DLG5: variants seen among roughly 807,000 people sequenced by gnomAD.
DLG5 encodes the protein disks large homolog 5.
In DLG5, 48 loss-of-function variants were observed where a neutral mutation model predicts 189.8. That is an observed-to-expected ratio of 0.25 (90% CI 0.20 to 0.32). The LOEUF (loss-of-function observed/expected upper bound fraction) is 0.32, where lower values mean the gene tolerates loss of function less well. Among genes scored for constraint, DLG5 ranks in the 10% least tolerant of loss-of-function variants. The probability of loss-of-function intolerance (pLI) is 1.00; values close to 1 mark genes in which losing one functional copy is unlikely to be tolerated. For missense variants in DLG5, 2,160 were observed against 2,544.7 expected, an observed-to-expected ratio of 0.85 and a Z score of 3.25; for synonymous variants, 1,016 against 1,054.1, an observed-to-expected ratio of 0.96 and a Z score of 0.70.
intron 1 of DLG5, among the ~76,000 whole-genome samples, chr10:77,906,689 A>G (rs1446787940): frequency 6.7e-6 from 1 of 149,126 alleles, no homozygotes; most frequent in Non-Finnish European, 1.5e-5. Context: ...CAGTGGCACA[A>G]TCTTGGCTCA....
intron 10 of DLG5, 132 bp downstream of exon 10, chr10:77,830,609 G>T: frequency 7.1e-7 from 1 of 1,402,408 alleles, no homozygotes; most frequent in Non-Finnish European, 9.7e-7. Flanking sequence ...GGGAAAGGAT[G>T]CCTCACACTC....
Position 77,869,035 on chromosome 10 carries a change from G to C in DLG5, c.373+94C>G, listed in dbSNP as rs189648249. The C allele has an allele frequency of 1.7e-5, 17 of 1,003,358 alleles. No homozygotes were observed. In the Admixed American group the frequency reaches 2.3e-4, roughly 13 times the overall value. The allele number at this position is 1,003,358 out of a possible 1,614,324, so 62.2% of individuals were successfully genotyped here. A position where few individuals can be genotyped will look rare whatever the true frequency, so the allele number is the denominator to read the frequency against. On this transcript the variant is annotated intron_variant, in intron 2 of 31. Transcript: ENST00000372391. ...TGATCCTGTGAGTAATCTGACAAGG[G>C]AGAACCAGCTTCCTCTCCCATGAAC... is the stretch of plus-strand genomic sequence containing the variant.
intron 20 of DLG5, among the ~76,000 whole-genome samples, chr10:77,813,917 T>C (rs1841907436): frequency 6.6e-6 from 1 of 152,264 alleles, no homozygotes; most frequent in South Asian, 2.1e-4. Flanking sequence ...GCTTCTTATG[T>C]AGGACATTAC....
chr10:77,903,684 A>G (rs1331561404), intron 1 of DLG5, among the ~76,000 whole-genome samples: 1 of 152,124 alleles, frequency 6.6e-6, no homozygotes, highest in Admixed American at 6.5e-5. Flanking sequence ...GGTATATATG[A>G]AACATAAATG....
intron 20 of DLG5, chr10:77,815,988 T>TA (rs1305917874): frequency 2.5e-6 from 1 of 395,038 alleles, no homozygotes; most frequent in African/African-American, 2.1e-5. Context: ...ACCTACATTC[T>TA]AAAATGAACC....
chr10:77,823,750 C>T (rs768426017), intron 14 of DLG5, among the ~76,000 whole-genome samples: 5 of 152,092 alleles, frequency 3.3e-5, no homozygotes, highest in Non-Finnish European at 4.4e-5. Flanking sequence ...AGGCTGGTCT[C>T]GAACTCCCGA....
At chr10:77,890,647 T>A (rs113290605) in intron 1 of DLG5, among the ~76,000 whole-genome samples, 1 of 152,124 alleles carries the variant, frequency 6.6e-6, no homozygotes. Flanking sequence ...AGAAACCCCA[T>A]CTCTACTAAA....
intron 2 of DLG5, among the ~76,000 whole-genome samples, chr10:77,863,286 A>C (rs1844545349): frequency 1.3e-5 from 2 of 151,916 alleles, no homozygotes; most frequent in Admixed American, 1.3e-4. Flanking sequence ...TATTGTAGCG[A>C]CAGGGCCCCA....
intron 20 of DLG5, among the ~76,000 whole-genome samples, chr10:77,815,284 C>A (rs1841995040): frequency 6.6e-6 from 1 of 152,236 alleles, no homozygotes; most frequent in South Asian, 2.1e-4. Context: ...TGGGGCCAGG[C>A]CTCTGTGTTT....
intron 4 of DLG5, 39 bp downstream of exon 4, chr10:77,854,188 G>A: frequency 1.2e-6 from 2 of 1,609,072 alleles, no homozygotes; most frequent in African/African-American, 1.3e-5. Flanking sequence ...GCAGCTGTCT[G>A]TGGGTGTTGG....
chr10:77,874,372 G>C (rs1231090151), intron 1 of DLG5, among the ~76,000 whole-genome samples: 1 of 152,178 alleles, frequency 6.6e-6, no homozygotes. Context: ...TTATCTCTTA[G>C]AGCTGTTTGA....
At chr10:77,844,353 G>A (rs1165609306) in intron 5 of DLG5, among the ~76,000 whole-genome samples, 1 of 152,206 alleles carries the variant, frequency 6.6e-6, no homozygotes, top group African/African-American at 2.4e-5. Context: ...CCTGGACTTT[G>A]CCTCACGCGC....
At chr10:77,808,686 CCT>C (rs1225126644) in intron 24 of DLG5, among the ~76,000 whole-genome samples, 3 of 152,294 alleles carry the variant, frequency 2.0e-5, no homozygotes, top group South Asian at 2.1e-4. Context: ...GCGAGCACCC[CCT>C]GATGCCCAGG....
chr10:77,822,053 T>A lies in DLG5; in HGVS notation c.2431A>T (p.Ile811Phe), dbSNP rs1446129248. ...CTCAGCATCTTATCAGAGTCTTTGA[T>A]ATTTTCAAAAATGTTCTGGCCACTC... ...SWSGQNIFEN[I>F]KDSDKMLSFR... The change falls in exon 15 of 32, where the codon ATC (isoleucine) becomes TTC (phenylalanine). Residue 811 changes from isoleucine (I) to phenylalanine (F), a missense_variant. Around this residue, in one of 5 missense-constraint regions of DLG5, gnomAD observed 754 missense variants for 746.5 expected, o/e 1.01. Transcript: ENST00000372391. 1 of 1,614,134 alleles carries A rather than the reference T, an allele frequency of 6.2e-7. No individual in the cohort carries two copies. The highest frequency in any genetic ancestry group is 8.5e-7 in the Non-Finnish European group (1 of 1,180,026).
At chr10:77,853,860 C>T (rs916694995) in intron 4 of DLG5, among the ~76,000 whole-genome samples, 1 of 152,142 alleles carries the variant, frequency 6.6e-6, no homozygotes, top group Non-Finnish European at 1.5e-5. Context: ...CAGGCAAAGA[C>T]CCTCAGAGGG....
chr10:77,902,503 T>C (rs1443481957), intron 1 of DLG5, among the ~76,000 whole-genome samples: 1 of 152,104 alleles, frequency 6.6e-6, no homozygotes, highest in Admixed American at 6.6e-5. Flanking sequence ...AATCTCTACA[T>C]CTCCAATCAA....
At chr10:77,826,775 CCGT>C (rs1842658516) in intron 13 of DLG5, among the ~76,000 whole-genome samples, 1 of 152,170 alleles carries the variant, frequency 6.6e-6, no homozygotes, top group Non-Finnish European at 1.5e-5. Flanking sequence ...TGGCGAAACC[CCGT>C]CTCTACTAAA....
At position 77,816,695 on chromosome 10, in the gene DLG5, A is replaced by G. The variant is rs1400375571; in HGVS notation, c.3881T>C (p.Val1294Ala). Residue 1294 changes from valine to alanine, a missense_variant, in exon 20 of 32, where the codon GTG (valine) becomes GCG (alanine). By Grantham distance (64) the Val-to-Ala change is moderately conservative. Coordinates refer to ENST00000372391, the MANE Select transcript of DLG5 (RefSeq NM_004747.4). ...AGGAGTGCTGCATTCAGAATGTGAC[A>G]CTGAACCTGCAGAGAGGAGCGGGTA... Reference protein sequence around the residue: ...RSVVGSERGSVSHSECSTPPQ... With the variant: ...RSVVGSERGSASHSECSTPPQ... 1 of 1,607,626 alleles carries G rather than the reference A, an allele frequency of 6.2e-7. No homozygotes were observed. The highest frequency in any genetic ancestry group is 8.5e-7 in the Non-Finnish European group (1 of 1,176,790).
In DLG5 at chr10:77,822,701, A is replaced by C. The variant is rs552364875; in HGVS notation, c.2383-600T>G. Among the ~76,000 whole-genome samples, 81 of 152,364 alleles carry C rather than the reference A, an allele frequency of 5.3e-4. 1 individual carries two copies. Among genetic ancestry groups the C allele is most frequent in the African/African-American group, 1.9e-3 (79 of 41,588 alleles). On this transcript the variant is annotated intron_variant, in intron 14 of 31. Coordinates refer to ENST00000372391, the MANE Select transcript of DLG5 (RefSeq NM_004747.4). The stretch of plus-strand genomic sequence containing the variant: ...ATATTTTTTTTAAATATTAAACATA[A>C]AAGTAAAAATTCATTGTTAAAAATA...
Sources: gnomAD v4.1 joint callset for allele counts (sites outside exome capture counted in the v4.1 genomes callset) on GRCh38, gnomAD v4.1.1 for gene constraint, gnomAD v4.1.1 regional missense constraint, MANE v1.5 for transcripts, NCBI Gene and HGNC (gene_info 2026-07-23, HGNC 2026-07-21) for gene names.